Variants in FBXL17 observed in about 807,000 individuals in gnomAD.
FBXL17 encodes the protein F-box and leucine rich repeat protein 17, also known as F-box/LRR-repeat protein 17.
FBXL17 carries 22 observed loss-of-function variants against 66.2 expected under a neutral mutation model. The observed-to-expected ratio is 0.33, with a 90% CI of 0.24 to 0.47. The LOEUF is 0.47. Ranked by LOEUF, FBXL17 falls within the 20% of genes least tolerant of loss-of-function variation. The probability of loss-of-function intolerance (pLI) is 1.00; values close to 1 mark genes in which losing one functional copy is unlikely to be tolerated. For synonymous variants in FBXL17, 474 were observed against 400.5 expected (o/e 1.18, Z -2.19); for missense variants, 878 against 948.2 (o/e 0.93, Z 0.97).
chr5:108,359,956 A>G (rs1265639082), intron 3 of FBXL17, among the ~76,000 whole-genome samples: 4 of 152,102 alleles, frequency 2.6e-5, no homozygotes, highest in Non-Finnish European at 5.9e-5. Flanking sequence ...TTTGCTATAT[A>G]TATTTTAAGG....
At chr5:108,103,515 T>A (rs767508869) in intron 6 of FBXL17, among the ~76,000 whole-genome samples, 9 of 152,176 alleles carry the variant, frequency 5.9e-5, no homozygotes, top group Non-Finnish European at 7.4e-5. Context: ...ATACTATTAA[T>A]CTAATTTAGG....
intron 1 of FBXL17, among the ~76,000 whole-genome samples, chr5:108,378,481 A>G (rs932522599): frequency 1.4e-5 from 2 of 147,664 alleles, no homozygotes; most frequent in African/African-American, 5.1e-5. Context: ...AATAGTGATG[A>G]TAGACTTGTG....
intron 6 of FBXL17, among the ~76,000 whole-genome samples, chr5:108,087,053 T>C (rs952697313): frequency 6.6e-6 from 1 of 152,122 alleles, no homozygotes; most frequent in African/African-American, 2.4e-5. Flanking sequence ...CCATACACTG[T>C]CCATGCACTG....
At chr5:107,893,720 A>G (rs1220357352) in intron 7 of FBXL17, among the ~76,000 whole-genome samples, 1 of 152,180 alleles carries the variant, frequency 6.6e-6, no homozygotes, top group Non-Finnish European at 1.5e-5. Context: ...CTGATGAAGG[A>G]CTACAGACTG....
At chr5:108,016,785 TC>T (rs1245879189) in intron 7 of FBXL17, among the ~76,000 whole-genome samples, 135 of 150,462 alleles carry the variant, frequency 9.0e-4, no homozygotes, top group Admixed American at 2.5e-3. Context: ...TTTCTTTCTT[TC>T]TTTTTTTTTT....
intron 7 of FBXL17, among the ~76,000 whole-genome samples, chr5:107,970,516 A>G (rs1161536826): frequency 6.6e-6 from 1 of 152,174 alleles, no homozygotes; most frequent in East Asian, 1.9e-4. Flanking sequence ...CCCTTAGGCC[A>G]GAATCTATGA....
At chr5:108,145,772 G>A (rs1379766535) in intron 6 of FBXL17, among the ~76,000 whole-genome samples, 2 of 151,212 alleles carry the variant, frequency 1.3e-5, no homozygotes, top group African/African-American at 2.4e-5. Context: ...GGGCAGCAAA[G>A]GAACCATTTT....
At chr5:108,084,574 T>C (rs531805577) in intron 6 of FBXL17, among the ~76,000 whole-genome samples, 1 of 152,358 alleles carries the variant, frequency 6.6e-6, no homozygotes, top group African/African-American at 2.4e-5. Context: ...AAAATGACCA[T>C]GGAGATTATA....
intron 3 of FBXL17, among the ~76,000 whole-genome samples, chr5:108,362,352 T>A (rs966173158): frequency 1.3e-5 from 2 of 152,168 alleles, no homozygotes; most frequent in South Asian, 4.1e-4. Flanking sequence ...CATAATATAG[T>A]AACAATGCAT....
At chr5:108,206,089 T>G (rs547498044) in intron 5 of FBXL17, among the ~76,000 whole-genome samples, 1 of 152,168 alleles carries the variant, frequency 6.6e-6, no homozygotes, top group Non-Finnish European at 1.5e-5. Flanking sequence ...AATCCACATA[T>G]AATCGCTTTT....
intron 6 of FBXL17, among the ~76,000 whole-genome samples, chr5:108,163,294 G>C (rs981355540): frequency 2.6e-5 from 4 of 151,464 alleles, no homozygotes; most frequent in African/African-American, 9.7e-5. Context: ...TCCTTTAAAT[G>C]TATTATTGTG....
rs188773958 is a variant in FBXL17 at position 108,055,049 on chromosome 5, T to C, written c.1746-34048A>G. Among the ~76,000 whole-genome samples the C allele has an allele frequency of 7.2e-4, 109 of 152,236 alleles. No homozygotes were observed. In the Middle Eastern group the frequency reaches 0.01, roughly 14 times the overall value. On this transcript the variant is annotated intron_variant, in intron 6 of 8. Transcript: ENST00000542267. The stretch of plus-strand genomic sequence containing the variant: ...ACTGAAAACTCTTGAATGCCAAGCA[T>C]GTAATAATGTCATTTGAATTCCAAG...
intron 6 of FBXL17, among the ~76,000 whole-genome samples, chr5:108,144,671 C>T (rs1441654009): frequency 6.6e-6 from 1 of 152,114 alleles, no homozygotes; most frequent in Non-Finnish European, 1.5e-5. Context: ...CATAAACATT[C>T]CTCATACAGT....
At chr5:108,196,411 A>G (rs1485006637) in intron 5 of FBXL17, among the ~76,000 whole-genome samples, 1 of 152,078 alleles carries the variant, frequency 6.6e-6, no homozygotes, top group Non-Finnish European at 1.5e-5. Flanking sequence ...CCCTCTGTAC[A>G]CCCACTGATG....
At chr5:107,956,135 AATT>A (rs1372481447) in intron 7 of FBXL17, among the ~76,000 whole-genome samples, 1 of 152,172 alleles carries the variant, frequency 6.6e-6, no homozygotes, top group Non-Finnish European at 1.5e-5. Context: ...TTCAAGTGAA[AATT>A]ATTATGGAAA....
chr5:108,053,815 T>C (rs1747577982), intron 6 of FBXL17, among the ~76,000 whole-genome samples: 1 of 152,212 alleles, frequency 6.6e-6, no homozygotes, highest in South Asian at 2.1e-4. Flanking sequence ...TGCACATGTA[T>C]GTTTACTACA....
chr5:108,264,528 A>G (rs1756968602), intron 4 of FBXL17, among the ~76,000 whole-genome samples: 2 of 152,216 alleles, frequency 1.3e-5, no homozygotes, highest in Non-Finnish European at 2.9e-5. Flanking sequence ...TAGCTCTTTT[A>G]TACTATTTCA....
intron 2 of FBXL17, 49 bp from the exon 3 acceptor site, chr5:108,365,044 G>T (rs771907575): frequency 4.4e-6 from 6 of 1,369,190 alleles, no homozygotes; most frequent in African/African-American, 2.9e-5. Flanking sequence ...AAATAAAAAC[G>T]TATTTTCCAT....
At chr5:108,234,152 T>C (rs928253200) in intron 4 of FBXL17, among the ~76,000 whole-genome samples, 1 of 152,150 alleles carries the variant, frequency 6.6e-6, no homozygotes, top group Admixed American at 6.5e-5. Context: ...CTTGGAGAGT[T>C]ACTGTTTCTA....
Sources: allele counts gnomAD v4.1 joint callset (sites outside exome capture counted in the v4.1 genomes callset), GRCh38; gene constraint gnomAD v4.1.1; transcripts MANE v1.5; gene names NCBI Gene and HGNC (gene_info 2026-07-23, HGNC 2026-07-21).